The following LRRC59 variants were observed in gnomAD, a reference collection of about 807,000 sequenced individuals.
LRRC59 encodes the protein leucine rich repeat containing 59.
A neutral mutation model predicts 33.5 loss-of-function variants in LRRC59; 18 were observed. The ratio of observed to expected loss-of-function variants is 0.54; its 90% CI spans 0.37 to 0.80. The LOEUF (loss-of-function observed/expected upper bound fraction) is 0.80. LRRC59 is among the 30% of genes least tolerant of loss of function. LRRC59 has a pLI of 0.00. For synonymous variants in LRRC59, 138 were observed against 160.0 expected, an observed-to-expected ratio of 0.86 and a Z score of 1.04; for missense variants, 330 against 391.9, an observed-to-expected ratio of 0.84 and a Z score of 1.33.
At chr17:50,389,090 C>T (rs1003737092) in intron 4 of LRRC59, among the ~76,000 whole-genome samples, 12 of 152,220 alleles carry the variant, frequency 7.9e-5, no homozygotes, top group African/African-American at 2.2e-4. Flanking sequence ...GAAAGCAGCA[C>T]AGCTAAGACC....
chr17:50,391,590 G>GCA (rs1275650843), intron 4 of LRRC59, among the ~76,000 whole-genome samples: 2 of 152,128 alleles, frequency 1.3e-5, no homozygotes, highest in African/African-American at 4.8e-5. Flanking sequence ...GTAGGGTACG[G>GCA]CACCTTCCAG....
intron 4 of LRRC59, among the ~76,000 whole-genome samples, chr17:50,391,007 A>AATGG (rs913901153): frequency 2.0e-5 from 3 of 152,202 alleles, no homozygotes; most frequent in South Asian, 2.1e-4. Flanking sequence ...CTACTGAATG[A>AATGG]ATGGATGGAT....
intron 5 of LRRC59, among the ~76,000 whole-genome samples, chr17:50,387,827 T>C (rs2143360645): frequency 6.6e-6 from 1 of 152,214 alleles, no homozygotes; most frequent in African/African-American, 2.4e-5. Context: ...CTATTAACCC[T>C]CCAAGCAGAG....
At position 50,382,651 on chromosome 17, in the gene LRRC59, G is replaced by T; in HGVS notation, c.*337C>A. 3.3e-6 allele frequency: 1 copy of T among 302,642 alleles called. No individual in the cohort carries two copies. Among genetic ancestry groups the T allele is most frequent in the Non-Finnish European group, 6.2e-6 (1 of 160,362 alleles). 18.7% of individuals were successfully genotyped at this position (302,642 alleles called of 1,614,324 possible). ...CAAAAGTATAAATGTAGTGACAGCTGACCATTTAGTAGAAACGAGCCTTGC... is the reference window on the plus strand; with the variant it reads ...CAAAAGTATAAATGTAGTGACAGCTTACCATTTAGTAGAAACGAGCCTTGC... On this transcript the variant is annotated 3_prime_UTR_variant, in exon 7 of 7. Transcript: ENST00000225972.
At chr17:50,389,744 A>G (rs537248741) in intron 4 of LRRC59, among the ~76,000 whole-genome samples, 1 of 152,290 alleles carries the variant, frequency 6.6e-6, no homozygotes, top group East Asian at 1.9e-4. Context: ...CCTCCAGACA[A>G]GCACACACCC....
intron 1 of LRRC59, chr17:50,396,246 C>T (rs1372546987): frequency 1.3e-5 from 2 of 152,218 alleles, no homozygotes; most frequent in Admixed American, 6.5e-5. Flanking sequence ...CAAGCATTTT[C>T]CATTACAATG....
Position 50,385,382 on chromosome 17 carries a change from C to T in LRRC59, c.503-91G>A, listed in dbSNP as rs547436068. On this transcript the variant is annotated intron_variant, in intron 5 of 6. Transcript: ENST00000225972. Reference sequence around the variant, plus strand: ...GTGATTAAAAGTACAGATTCTGCCACCTTTACCCTGGTGCCATGGTTCACA... The same window carrying T: ...GTGATTAAAAGTACAGATTCTGCCATCTTTACCCTGGTGCCATGGTTCACA... 19 of 1,332,346 alleles carry T rather than the reference C, an allele frequency of 1.4e-5. No homozygotes were observed. In the Admixed American group the frequency reaches 2.6e-4, roughly 18 times the overall value. 82.5% of individuals were successfully genotyped at this position (1,332,346 alleles called of 1,614,324 possible).
chr17:50,389,387 G>T (rs1239917882), intron 4 of LRRC59, among the ~76,000 whole-genome samples: 4 of 152,250 alleles, frequency 2.6e-5, no homozygotes, highest in Admixed American at 2.6e-4. Flanking sequence ...ACGCAATCCT[G>T]ACTACCCCTT....
Position 50,382,782 on chromosome 17 carries a change from G to GCCC in LRRC59, c.*205_*206insGGG. The GCCC allele has an allele frequency of 1.8e-5, 2 of 112,396 alleles. No homozygotes were observed. The highest frequency in any genetic ancestry group is 8.9e-5 in the South Asian group (1 of 11,254). The allele number at this position is 112,396 out of a possible 1,614,324, so 7.0% of individuals were successfully genotyped here. A position where few individuals can be genotyped will look rare whatever the true frequency, so the allele number is the denominator to read the frequency against. On this transcript the variant is annotated 3_prime_UTR_variant, in exon 7 of 7. Coordinates refer to ENST00000225972, the MANE Select transcript of LRRC59 (RefSeq NM_018509.4). ...AGGTAACTGCCCCCCACGCCCCCCC[G>GCCC]CCACCTCCCATTTCTCCTCATTCCT...
At chr17:50,394,899 G>C in intron 2 of LRRC59, 30 bp downstream of exon 2, 1 of 1,510,372 alleles carries the variant, frequency 6.6e-7, no homozygotes, top group Admixed American at 1.7e-5. Flanking sequence ...CAAGGCACCA[G>C]AAGGAGTCAC....
rs752741970 is a variant in LRRC59 at position 50,397,359 on chromosome 17, G to A, written c.-42C>T. On this transcript the variant is annotated 5_prime_UTR_variant, in exon 1 of 7. Coordinates refer to ENST00000225972, the MANE Select transcript of LRRC59 (RefSeq NM_018509.4). ...CGGGCCCCGGCTCCGGGGTTCCGGC[G>A]GGTGAAAGGAGCTGAAATGTCGCTT... The A allele has an allele frequency of 2.6e-6, 4 of 1,509,552 alleles. No homozygotes were observed. Among genetic ancestry groups the A allele is most frequent in the East Asian group, 4.9e-5 (2 of 41,056 alleles). The allele number at this position is 1,509,552 out of a possible 1,614,324, so 93.5% of individuals were successfully genotyped here.
intron 4 of LRRC59, among the ~76,000 whole-genome samples, chr17:50,391,905 G>A (rs1348163769): frequency 1.3e-5 from 2 of 152,184 alleles, no homozygotes; most frequent in Non-Finnish European, 2.9e-5. Context: ...TGCGACTTGC[G>A]AACTAAGTGC....
chr17:50,393,460 G>A (rs1431831772), intron 2 of LRRC59, among the ~76,000 whole-genome samples: 1 of 152,108 alleles, frequency 6.6e-6, no homozygotes, highest in Non-Finnish European at 1.5e-5. Flanking sequence ...AAAAGATCAG[G>A]CACTCCTGGA....
chr17:50,392,248 CTGTT>C, intron 4 of LRRC59, 146 bp downstream of exon 4: 1 of 624,538 alleles, frequency 1.6e-6, no homozygotes, highest in Non-Finnish European at 2.9e-6. Context: ...ACAAAGGTCT[CTGTT>C]TGACAGGCTC....
intron 6 of LRRC59, among the ~76,000 whole-genome samples, chr17:50,384,765 C>CA (rs5820811): frequency 0.055 from 7,324 of 132,096 alleles, 683 homozygotes; most frequent in African/African-American, 0.18. Flanking sequence ...AACTCTGTCT[C>CA]AAAAAAAAAA....
chr17:50,389,014 C>G (rs1914078666), intron 4 of LRRC59, among the ~76,000 whole-genome samples: 1 of 152,178 alleles, frequency 6.6e-6, no homozygotes, highest in South Asian at 2.1e-4. Context: ...TGAGGAATGG[C>G]TAATTCCCAT....
At chr17:50,395,389 G>A (rs1264767494) in intron 1 of LRRC59, among the ~76,000 whole-genome samples, 1 of 150,460 alleles carries the variant, frequency 6.6e-6, no homozygotes, top group East Asian at 1.9e-4. Flanking sequence ...AGGCAGGCAG[G>A]CAGGCAGGCA....
chr17:50,394,794 T>C (rs1237509218), intron 2 of LRRC59, 135 bp downstream of exon 2: 13 of 612,530 alleles, frequency 2.1e-5, no homozygotes, highest in Non-Finnish European at 3.2e-5. Flanking sequence ...ACACTCAGAT[T>C]TAGCTATAGC....
Position 50,383,047 on chromosome 17 carries a change from G to A in LRRC59, c.865C>T (p.Gln289Ter). The A allele has an allele frequency of 6.2e-7, 1 of 1,612,882 alleles. No individual in the cohort carries two copies. The highest frequency in any genetic ancestry group is 1.7e-5 in the Admixed American group (1 of 60,014). The change falls in exon 7 of 7, where the codon CAG becomes TAG. Residue 289 changes from glutamine (Q) to a stop codon, truncating the protein, a stop_gained. Coordinates refer to ENST00000225972, the MANE Select transcript of LRRC59 (RefSeq NM_018509.4). LOFTEE classifies it high-confidence loss of function. Reference sequence around the variant, plus strand: ...AGGATCTCATGGCGGCGTAGACCCTGGACCGCATTGTCATAGATGGTGTTC... The same window carrying A: ...AGGATCTCATGGCGGCGTAGACCCTAGACCGCATTGTCATAGATGGTGTTC... ...SVNTIYDNAV[Q>*]GLRRHEILQW...
Sources: gnomAD v4.1 joint callset for allele counts (sites outside exome capture counted in the v4.1 genomes callset) on GRCh38, gnomAD v4.1.1 for gene constraint, MANE v1.5 for transcripts, NCBI Gene and HGNC (gene_info 2026-07-23, HGNC 2026-07-21) for gene names.